Variants in UNC79 observed in about 807,000 individuals in gnomAD.
UNC79 encodes the protein unc-79 subunit of NALCN channel complex.
UNC79 carries 37 observed loss-of-function variants against 283.1 expected under a neutral mutation model. That is an observed-to-expected ratio of 0.13 (90% CI 0.10 to 0.17). UNC79 has a LOEUF of 0.17. Ranked by LOEUF, UNC79 falls within the 10% of genes least tolerant of loss-of-function variation. UNC79 has a pLI of 1.00. For synonymous variants in UNC79, 1,107 were observed against 1,200.2 expected, an observed-to-expected ratio of 0.92 and a Z score of 1.61; for missense variants, 2,272 against 3,211.1, an observed-to-expected ratio of 0.71 and a Z score of 7.07.
At chr14:93,705,355 A>G (rs1054556841) in intron 48 of UNC79, among the ~76,000 whole-genome samples, 131 of 150,424 alleles carry the variant, frequency 8.7e-4, no homozygotes, top group Admixed American at 1.6e-3. Flanking sequence ...CTCAAAAAAA[A>G]AAAAAAAAAA....
Position 93,540,946 on chromosome 14 carries a change from GCAAT to G in UNC79, c.1524+116_1524+119del, listed in dbSNP as rs1222087194. On this transcript the variant is annotated intron_variant, in intron 13 of 48. Transcript: ENST00000555664. ...AGTAAATAGTGAAAAATTAACCTTA[GCAAT>G]GGGGCTGAAGCTATGGCAATAGCTG... 7.5e-6 allele frequency: 10 copies of G among 1,327,112 alleles called. No individual in the cohort carries two copies. In the African/African-American group the frequency reaches 1.5e-4, roughly 20 times the overall value. The allele number at this position is 1,327,112 out of a possible 1,614,324, so 82.2% of individuals were successfully genotyped here. A position where few individuals can be genotyped will look rare whatever the true frequency, so the allele number is the denominator to read the frequency against.
chr14:93,333,192 T>G (rs886219340), upstream of UNC79: 11 of 400,426 alleles, frequency 2.7e-5, no homozygotes, highest in African/African-American at 2.3e-4. Context: ...GTTCGCTGGA[T>G]CCATGGGAGC....
intron 1 of UNC79, among the ~76,000 whole-genome samples, chr14:93,419,263 G>A (rs1046121143): frequency 1.3e-5 from 2 of 150,804 alleles, no homozygotes; most frequent in South Asian, 4.4e-4. Flanking sequence ...CCACTTCCCA[G>A]GTTCAAGCAG....
intron 14 of UNC79, among the ~76,000 whole-genome samples, chr14:93,553,412 T>C (rs1037224813): frequency 1.3e-5 from 2 of 152,166 alleles, no homozygotes; most frequent in Non-Finnish European, 2.9e-5. Context: ...TCCAAGAGGG[T>C]CTTACAAGTT....
exon 12 of UNC79, chr14:93,538,098 A>G: frequency 6.2e-7 from 1 of 1,614,208 alleles, no homozygotes; most frequent in Non-Finnish European, 8.5e-7. Context: ...CACTCAAATC[A>G]TCACAGTAAT....
chr14:93,385,404 C>CTAGT (rs34374714), intron 1 of UNC79, among the ~76,000 whole-genome samples: 106,921 of 151,538 alleles, frequency 0.71, 38,177 homozygotes, highest in Middle Eastern at 0.78. Flanking sequence ...AAATTAATTC[C>CTAGT]TATTTTATCT....
At chr14:93,698,328 A>G (rs2075290769) in intron 47 of UNC79, among the ~76,000 whole-genome samples, 1 of 152,114 alleles carries the variant, frequency 6.6e-6, no homozygotes, top group Admixed American at 6.5e-5. Flanking sequence ...GGGTATTGAA[A>G]TATCTCTGAA....
intron 35 of UNC79, 121 bp downstream of exon 38, chr14:93,646,767 T>A: frequency 1.9e-6 from 2 of 1,062,664 alleles, no homozygotes; most frequent in Non-Finnish European, 2.8e-6. Flanking sequence ...CTCAGCACTT[T>A]GGGAGGCCAG....
At chr14:93,537,513 G>A (rs1216971831) in intron 11 of UNC79, among the ~76,000 whole-genome samples, 4 of 152,166 alleles carry the variant, frequency 2.6e-5, no homozygotes, top group South Asian at 2.1e-4. Context: ...GAGCTGTAGC[G>A]GAAATCTACT....
chr14:93,483,235 CA>C (rs1355390718), intron 4 of UNC79, among the ~76,000 whole-genome samples: 2 of 152,170 alleles, frequency 1.3e-5, no homozygotes, highest in Non-Finnish European at 2.9e-5. Flanking sequence ...CATTTTGCCA[CA>C]AGTACCTGTT....
At chr14:93,381,573 T>C (rs1329834600) in intron 1 of UNC79, among the ~76,000 whole-genome samples, 2 of 152,216 alleles carry the variant, frequency 1.3e-5, no homozygotes, top group Non-Finnish European at 2.9e-5. Context: ...TGAGGGCTTC[T>C]GGAGCAAGAG....
chr14:93,382,854 T>C (rs568847954), intron 1 of UNC79, among the ~76,000 whole-genome samples: 74 of 152,326 alleles, frequency 4.9e-4, no homozygotes, highest in Admixed American at 1.6e-3. Flanking sequence ...CTAATGCATG[T>C]ACCAAAATAC....
intron 1 of UNC79, chr14:93,467,016 A>G: frequency 1.6e-6 from 1 of 614,130 alleles, no homozygotes. Context: ...TCTTTGGAAG[A>G]AAAATGTGAC....
chr14:93,422,696 A>G (rs906157260), intron 1 of UNC79, among the ~76,000 whole-genome samples: 3 of 152,200 alleles, frequency 2.0e-5, no homozygotes, highest in African/African-American at 7.2e-5. Flanking sequence ...TAAATTCAGT[A>G]AAGTTGCTGG....
chr14:93,663,641 A>G (rs1248713713), intron 40 of UNC79, among the ~76,000 whole-genome samples: 1 of 152,052 alleles, frequency 6.6e-6, no homozygotes, highest in East Asian at 1.9e-4. Context: ...GTTCCATGGT[A>G]ATCTTTGTTT....
chr14:93,643,995 A>G (rs1219027951), intron 34 of UNC79, among the ~76,000 whole-genome samples: 1 of 152,176 alleles, frequency 6.6e-6, no homozygotes, highest in Non-Finnish European at 1.5e-5. Flanking sequence ...CACGCACACA[A>G]CTGTCAGCAG....
chr14:93,690,390 AAAT>A lies in UNC79; in HGVS notation c.7272+89_7272+91del. 1.4e-6 allele frequency: 2 copies of A among 1,437,858 alleles called. No homozygotes were observed. The highest frequency in any genetic ancestry group is 1.9e-6 in the Non-Finnish European group (2 of 1,060,962). The allele number at this position is 1,437,858 out of a possible 1,614,324, so 89.1% of individuals were successfully genotyped here. On this transcript the variant is annotated intron_variant, in intron 45 of 48. Transcript: ENST00000555664. The surrounding 1 kb of genome is among the most constrained non-coding windows in gnomAD (Gnocchi z 4.3). Reference sequence around the variant, plus strand: ...GCCAATTATGTTTCTTCTGAGAAGAAAATACATCTTATCATTTGCCCTCCTGTG... The same window carrying A: ...GCCAATTATGTTTCTTCTGAGAAGAAACATCTTATCATTTGCCCTCCTGTG...
At chr14:93,692,768 GT>G (rs1374850721) in intron 46 of UNC79, among the ~76,000 whole-genome samples, 2 of 152,240 alleles carry the variant, frequency 1.3e-5, no homozygotes, top group African/African-American at 4.8e-5. Flanking sequence ...CATTGAACCA[GT>G]GTGGAGTATT....
intron 40 of UNC79, among the ~76,000 whole-genome samples, chr14:93,669,681 T>TA (rs1307100446): frequency 6.6e-6 from 1 of 151,960 alleles, no homozygotes; most frequent in East Asian, 1.9e-4. Flanking sequence ...CTCGTCTCTA[T>TA]AAAAAAATTT....
Sources: gnomAD v4.1 joint callset for allele counts (sites outside exome capture counted in the v4.1 genomes callset) on GRCh38, gnomAD v4.1.1 for gene constraint, Gnocchi (gnomAD v3.1) non-coding constraint, MANE v1.5 for transcripts, NCBI Gene and HGNC (gene_info 2026-07-23, HGNC 2026-07-21) for gene names.